The following FMO3 variants were observed in gnomAD, a reference collection of about 807,000 sequenced individuals.
The protein encoded by FMO3 is flavin containing dimethylaniline monoxygenase 3, also known as flavin-containing monooxygenase 3.
In FMO3, 40 loss-of-function variants were observed where a neutral mutation model predicts 39.4. That is an observed-to-expected ratio of 1.02 (90% CI 0.79 to 1.32). The LOEUF (loss-of-function observed/expected upper bound fraction) is 1.32. FMO3 is among the 40% of genes most tolerant of loss of function. The pLI, the probability that FMO3 is intolerant of heterozygous loss-of-function variation, is 0.00. For synonymous variants in FMO3, 219 were observed against 228.8 expected (o/e 0.96, Z 0.39); for missense variants, 680 against 651.8 (o/e 1.04, Z -0.47).
rs186763441 is a variant in FMO3 at position 171,107,694 on chromosome 1, A to G, written c.341A>G (p.Asn114Ser). ...IQFKTFVSSV[N>S]KHPDFATTGQ... ...TCTTAGACATTTGTATCCAGTGTAA[A>G]TAAACATCCTGATTTTGCAACTACT... The change falls in exon 4 of 9, where the codon AAT (asparagine) becomes AGT (serine). Residue 114 changes from asparagine to serine, a missense_variant. Physicochemically the swap from Asn to Ser is conservative, Grantham distance 46. Coordinates refer to ENST00000367755, the MANE Select transcript of FMO3 (RefSeq NM_001002294.3). 355 of 1,613,180 alleles carry G rather than the reference A, an allele frequency of 2.2e-4. 4 individuals carry two copies. In the East Asian group the frequency reaches 7.1e-3, roughly 32 times the overall value.
chr1:171,093,432 T>C (rs560791460), intron 2 of FMO3, among the ~76,000 whole-genome samples: 1 of 152,258 alleles, frequency 6.6e-6, no homozygotes, highest in South Asian at 2.1e-4. Flanking sequence ...TCCAGTCCCA[T>C]CCATGTTGCT....
At chr1:171,105,066 A>T (rs57934892) in intron 3 of FMO3, among the ~76,000 whole-genome samples, 1,481 of 68,622 alleles carry the variant, frequency 0.022, 20 homozygotes, top group African/African-American at 0.11. Context: ...TCAATTTTTT[A>T]AAAAAATCTT....
chr1:171,100,945 G>A (rs1052966906), intron 2 of FMO3: 5 of 335,446 alleles, frequency 1.5e-5, no homozygotes, highest in South Asian at 4.8e-5. Flanking sequence ...AGCCCCAAAC[G>A]CTATAATGAA....
rs1024523917 is a variant in FMO3, at chr1:171,117,555, A to G, written c.*113A>G. 1 of 743,590 alleles carries G rather than the reference A, an allele frequency of 1.3e-6. No homozygotes were observed. The allele number at this position is 743,590 out of a possible 1,614,324, so 46.1% of individuals were successfully genotyped here. On this transcript the variant is annotated 3_prime_UTR_variant, in exon 9 of 9. Coordinates refer to ENST00000367755, the MANE Select transcript of FMO3 (RefSeq NM_001002294.3). Reference sequence around the variant, plus strand: ...TGCTTTTCTATTCAGCATCTTTTGCAGTACTCTGTAGACATTAGTCAGTAA... The same window carrying G: ...TGCTTTTCTATTCAGCATCTTTTGCGGTACTCTGTAGACATTAGTCAGTAA...
intron 2 of FMO3, 84 bp from the exon 3 acceptor site, chr1:171,103,701 A>G: frequency 9.0e-7 from 1 of 1,117,308 alleles, no homozygotes; most frequent in Non-Finnish European, 1.4e-6. Context: ...CCAAGGGATG[A>G]CTGTAATTAC....
At chr1:171,105,064 T>G (rs1655580213) in intron 3 of FMO3, among the ~76,000 whole-genome samples, 1 of 131,616 alleles carries the variant, frequency 7.6e-6, no homozygotes, top group Non-Finnish European at 1.6e-5. Flanking sequence ...TCTCAATTTT[T>G]TAAAAAAATC....
chr1:171,112,230 G>C (rs969956717), intron 6 of FMO3, among the ~76,000 whole-genome samples: 5 of 152,218 alleles, frequency 3.3e-5, no homozygotes, highest in African/African-American at 1.2e-4. Flanking sequence ...GTAGATCATT[G>C]TAAGGACTCT....
At chr1:171,094,899 T>C (rs1484060234) in intron 2 of FMO3, among the ~76,000 whole-genome samples, 1 of 152,196 alleles carries the variant, frequency 6.6e-6, no homozygotes, top group Non-Finnish European at 1.5e-5. Context: ...TCTTTTTGCT[T>C]AGAATTGCTG....
At chr1:171,100,937 C>A in intron 2 of FMO3, 1 of 317,884 alleles carries the variant, frequency 3.1e-6, no homozygotes, top group South Asian at 2.7e-5. Flanking sequence ...TGTGGGTGAG[C>A]CCCAAACGCT....
chr1:171,108,128 A>T lies in FMO3; in HGVS notation c.534A>T (p.Glu178Asp), dbSNP rs1348625908. Reference sequence around the variant, plus strand: ...GCTTCCACAGCAGGGACTATAAAGAACCAGGTGTATTCAATGGAAAGCGTG... The same window carrying T: ...GCTTCCACAGCAGGGACTATAAAGATCCAGGTGTATTCAATGGAAAGCGTG... Reference protein sequence around the residue: ...GKCFHSRDYKEPGVFNGKRVL... With the variant: ...GKCFHSRDYKDPGVFNGKRVL... The change falls in exon 5 of 9, where the codon GAA becomes GAT. Residue 178 changes from glutamate (E) to aspartate (D), a missense_variant. Glu to Asp is a conservative substitution (Grantham distance 45). Transcript: ENST00000367755. 1 of 1,613,952 alleles carries T rather than the reference A, an allele frequency of 6.2e-7. No individual in the cohort carries two copies. Among genetic ancestry groups the T allele is most frequent in the Non-Finnish European group, 8.5e-7 (1 of 1,179,910 alleles).
At chr1:171,104,071 T>A in intron 3 of FMO3, 98 bp downstream of exon 3, 2 of 915,480 alleles carry the variant, frequency 2.2e-6, no homozygotes, top group South Asian at 2.8e-5. Context: ...CCCTTTCTAA[T>A]TTGTCAACAT....
intron 3 of FMO3, among the ~76,000 whole-genome samples, chr1:171,106,140 AT>A (rs869288175): frequency 6.9e-4 from 101 of 146,890 alleles, no homozygotes; most frequent in Admixed American, 6.1e-4. Context: ...GACTATTAGA[AT>A]TTTTTTTTTT....
intron 2 of FMO3, among the ~76,000 whole-genome samples, chr1:171,103,494 T>C (rs1655498601): frequency 6.6e-6 from 1 of 151,976 alleles, no homozygotes; most frequent in Non-Finnish European, 1.5e-5. Context: ...AAATAAAAAA[T>C]CAAAATCAAA....
chr1:171,100,611 T>C (rs1159431277), intron 2 of FMO3: 1 of 154,546 alleles, frequency 6.5e-6, no homozygotes, highest in Admixed American at 6.3e-5. Flanking sequence ...TTAGATAATT[T>C]ATATGATGAT....
intron 3 of FMO3, among the ~76,000 whole-genome samples, chr1:171,104,549 T>C (rs1239671631): frequency 1.3e-5 from 2 of 152,058 alleles, no homozygotes; most frequent in East Asian, 3.8e-4. Flanking sequence ...TATGTACAAA[T>C]TGAAAGTTAA....
At chr1:171,102,500 G>A (rs979502320) in intron 2 of FMO3, among the ~76,000 whole-genome samples, 3 of 152,178 alleles carry the variant, frequency 2.0e-5, no homozygotes, top group Non-Finnish European at 4.4e-5. Flanking sequence ...AGCTGTAACA[G>A]ATGTGTCCTA....
chr1:171,110,093 C>A (rs1655839749), intron 5 of FMO3, among the ~76,000 whole-genome samples: 1 of 152,136 alleles, frequency 6.6e-6, no homozygotes, highest in African/African-American at 2.4e-5. Flanking sequence ...AAATTCGATT[C>A]TCTCCATTTT....
At chr1:171,109,145 A>G (rs560528304) in intron 5 of FMO3, among the ~76,000 whole-genome samples, 18 of 152,210 alleles carry the variant, frequency 1.2e-4, no homozygotes, top group Non-Finnish European at 2.5e-4. Context: ...TTTATAACAG[A>G]AAGGATAAAT....
chr1:171,092,406 T>G (rs969102643), intron 1 of FMO3, among the ~76,000 whole-genome samples: 1 of 152,002 alleles, frequency 6.6e-6, no homozygotes, highest in African/African-American at 2.4e-5. Context: ...TTTTTTGTTT[T>G]GTTTTGTGGA....
Sources: allele counts gnomAD v4.1 joint callset (sites outside exome capture counted in the v4.1 genomes callset), GRCh38; gene constraint gnomAD v4.1.1; transcripts MANE v1.5; gene names NCBI Gene and HGNC (gene_info 2026-07-23, HGNC 2026-07-21).